PEBP4: variants seen among roughly 807,000 people sequenced by gnomAD.
PEBP4 encodes the protein phosphatidylethanolamine binding protein 4, also known as phosphatidylethanolamine-binding protein 4.
PEBP4 carries 22 observed loss-of-function variants against 23.9 expected under a neutral mutation model. The ratio of observed to expected loss-of-function variants is 0.92; its 90% CI spans 0.66 to 1.31. PEBP4 has a LOEUF of 1.31. Among genes scored for constraint, PEBP4 ranks in the 40% most tolerant of loss-of-function variants. The pLI, the probability that PEBP4 is intolerant of heterozygous loss-of-function variation, is 0.00. For missense variants in PEBP4, 324 were observed against 281.7 expected (o/e 1.15, Z -1.07); for synonymous variants, 112 against 99.3 (o/e 1.13, Z -0.76).
At chr8:22,737,982 T>C (rs112859310) in intron 4 of PEBP4, among the ~76,000 whole-genome samples, 3,900 of 152,178 alleles carry the variant, frequency 0.026, 152 homozygotes, top group African/African-American at 0.089. Context: ...ATGGGGATGC[T>C]GCCTCCGTCC....
At chr8:22,764,470 CA>C (rs1426554984) in intron 4 of PEBP4, among the ~76,000 whole-genome samples, 14 of 152,172 alleles carry the variant, frequency 9.2e-5, no homozygotes, top group African/African-American at 3.4e-4. Flanking sequence ...GTATGCCAGC[CA>C]AAACCCAGGG....
intron 2 of PEBP4, among the ~76,000 whole-genome samples, chr8:22,923,547 A>G (rs1011111876): frequency 3.3e-5 from 5 of 152,070 alleles, no homozygotes; most frequent in African/African-American, 1.2e-4. Flanking sequence ...AGCCTGGGTG[A>G]CAGAGGGTGA....
intron 3 of PEBP4, among the ~76,000 whole-genome samples, chr8:22,832,379 G>T (rs1024366882): frequency 6.6e-6 from 1 of 152,194 alleles, no homozygotes; most frequent in East Asian, 1.9e-4. Context: ...TGCACCCACA[G>T]TGAGAAGGCT....
At chr8:22,917,988 T>C (rs973069778) in intron 3 of PEBP4, among the ~76,000 whole-genome samples, 2 of 152,250 alleles carry the variant, frequency 1.3e-5, no homozygotes, top group African/African-American at 4.8e-5. Flanking sequence ...CAGCCTCGCC[T>C]GAAGTTATCC....
chr8:22,752,913 A>G (rs978036565), intron 4 of PEBP4, among the ~76,000 whole-genome samples: 22 of 152,288 alleles, frequency 1.4e-4, no homozygotes, highest in African/African-American at 5.3e-4. Flanking sequence ...TTTACAGTCC[A>G]ATTTCTCCTT....
intron 4 of PEBP4, among the ~76,000 whole-genome samples, chr8:22,792,236 A>T (rs1431546644): frequency 6.6e-6 from 1 of 152,138 alleles, no homozygotes; most frequent in East Asian, 1.9e-4. Flanking sequence ...GGCTAGGTCA[A>T]TAGATCAGCA....
chr8:22,842,041 G>T (rs1807339755), intron 3 of PEBP4, among the ~76,000 whole-genome samples: 1 of 152,222 alleles, frequency 6.6e-6, no homozygotes, highest in Non-Finnish European at 1.5e-5. Flanking sequence ...GTTACTAGGA[G>T]TACAAATGTT....
At chr8:22,877,436 G>A (rs1808144712) in intron 3 of PEBP4, among the ~76,000 whole-genome samples, 1 of 152,216 alleles carries the variant, frequency 6.6e-6, no homozygotes, top group Non-Finnish European at 1.5e-5. Context: ...CCTGACTCCA[G>A]TAGCCCAGCA....
At chr8:22,797,291 C>G (rs1227499019) in intron 4 of PEBP4, among the ~76,000 whole-genome samples, 2 of 145,568 alleles carry the variant, frequency 1.4e-5, no homozygotes, top group African/African-American at 5.1e-5. Flanking sequence ...GAAAGAAAAA[C>G]AAACCCAAAT....
intron 4 of PEBP4, chr8:22,758,063 T>TGG (rs1310715152): frequency 6.6e-6 from 1 of 152,238 alleles, no homozygotes; most frequent in Admixed American, 6.5e-5. Context: ...ATTCAAAAAA[T>TGG]GGGGACTCTA....
At chr8:22,732,691 T>C (rs1804764947) in intron 4 of PEBP4, among the ~76,000 whole-genome samples, 1 of 152,092 alleles carries the variant, frequency 6.6e-6, no homozygotes, top group Non-Finnish European at 1.5e-5. Context: ...TGTGCATGCA[T>C]GTGCACATGT....
Position 22,775,608 on chromosome 8 carries a change from TTGTC to T in PEBP4, c.357+42025_357+42028del, listed in dbSNP as rs1805799329. Among the ~76,000 whole-genome samples, 1 of 152,296 alleles carries T rather than the reference TTGTC, an allele frequency of 6.6e-6. No homozygotes were observed. The highest frequency in any genetic ancestry group is 1.9e-4 in the East Asian group (1 of 5,172). On this transcript the variant is annotated intron_variant, in intron 4 of 6. Coordinates refer to ENST00000256404, the MANE Select transcript of PEBP4 (RefSeq NM_144962.3). The surrounding 1 kb of genome is among the most constrained non-coding windows in gnomAD (Gnocchi z 4.8). ...AATTCCAATTAAATATGCAGCCTAT[TTGTC>T]TGTGTGTGGGAGAGGGTTTGCTGGG...
intron 4 of PEBP4, among the ~76,000 whole-genome samples, chr8:22,795,163 A>ATTTTTTTTTTTTTT (rs33911395): frequency 8.4e-5 from 4 of 47,344 alleles, no homozygotes; most frequent in Admixed American, 6.9e-4. Flanking sequence ...ATATATATAT[A>ATTTTTTTTTTTTTT]TTTTTTTTTT....
intron 3 of PEBP4, among the ~76,000 whole-genome samples, chr8:22,856,360 T>C (rs1202784216): frequency 9.2e-5 from 14 of 152,208 alleles, no homozygotes; most frequent in Admixed American, 9.2e-4. Context: ...GATGAAATGT[T>C]GACAGTATGA....
chr8:22,935,095 G>A (rs1299194398), intron 1 of PEBP4, among the ~76,000 whole-genome samples: 2 of 152,134 alleles, frequency 1.3e-5, no homozygotes, highest in African/African-American at 4.8e-5. Flanking sequence ...CCAAACATCA[G>A]GGATCCAAAA....
rs1490028653 is a variant in PEBP4 at position 22,840,512 on chromosome 8, G to A, written c.259-22777C>T. Reference sequence around the variant, plus strand: ...CTGCCTCGACCTCCCAGTGTGCTGGGATTACAGACATAAGCCACCGTGCCC... The same window carrying A: ...CTGCCTCGACCTCCCAGTGTGCTGGAATTACAGACATAAGCCACCGTGCCC... On this transcript the variant is annotated intron_variant, in intron 3 of 6. Transcript: ENST00000256404. Among the ~76,000 whole-genome samples, 3 of 151,794 alleles carry A rather than the reference G, an allele frequency of 2.0e-5. No homozygotes were observed. The East Asian group carries it at 5.8e-4, about 29-fold the overall frequency.
At chr8:22,868,224 C>A (rs765098159) in intron 3 of PEBP4, among the ~76,000 whole-genome samples, 3 of 152,126 alleles carry the variant, frequency 2.0e-5, no homozygotes, top group Non-Finnish European at 4.4e-5. Flanking sequence ...GGGAAAACAC[C>A]CCCCTGGTTT....
intron 4 of PEBP4, among the ~76,000 whole-genome samples, chr8:22,785,688 A>G (rs1162655359): frequency 6.6e-6 from 1 of 152,154 alleles, no homozygotes; most frequent in African/African-American, 2.4e-5. Flanking sequence ...ATCCTCCCTG[A>G]GCCTGAGTCC....
At chr8:22,928,582 T>G (rs759022096), upstream of PEBP4, among the ~76,000 whole-genome samples, 3 of 152,016 alleles carry the variant, frequency 2.0e-5, no homozygotes, top group African/African-American at 4.8e-5. Flanking sequence ...ACCAGGTGCA[T>G]GTGGGACTCT....
Sources: gnomAD v4.1 joint callset for allele counts (sites outside exome capture counted in the v4.1 genomes callset) on GRCh38, gnomAD v4.1.1 for gene constraint, Gnocchi (gnomAD v3.1) non-coding constraint, MANE v1.5 for transcripts, NCBI Gene and HGNC (gene_info 2026-07-23, HGNC 2026-07-21) for gene names.